NAALADL2: variants seen among roughly 807,000 people sequenced by gnomAD.
NAALADL2 encodes the protein N-acetylated alpha-linked acidic dipeptidase like 2, also known as inactive N-acetylated-alpha-linked acidic dipeptidase-like protein 2.
A neutral mutation model predicts 87.2 loss-of-function variants in NAALADL2; 76 were observed. The observed-to-expected ratio is 0.87, with a 90% confidence interval of 0.72 to 1.05. NAALADL2 has a LOEUF of 1.05. Among genes scored for constraint, NAALADL2 ranks in the 50% least tolerant of loss-of-function variants. NAALADL2 has a pLI of 0.00. For synonymous variants in NAALADL2, 354 were observed against 331.0 expected (o/e 1.07, Z -0.75); for missense variants, 1,089 against 945.8 (o/e 1.15, Z -1.99).
intron 9 of NAALADL2, among the ~76,000 whole-genome samples, chr3:175,539,217 T>G (rs1397439263): frequency 6.6e-6 from 1 of 152,168 alleles, no homozygotes; most frequent in South Asian, 2.1e-4. Context: ...CATTACCAAC[T>G]GGTAATTCCC....
intron 2 of NAALADL2, among the ~76,000 whole-genome samples, chr3:174,551,908 G>A (rs570865974): frequency 3.9e-5 from 6 of 152,108 alleles, no homozygotes; most frequent in Non-Finnish European, 8.8e-5. Context: ...TGGTATCCAC[G>A]GTCCTCGGGT....
chr3:175,269,848 G>A (rs1029594880), intron 4 of NAALADL2, among the ~76,000 whole-genome samples: 1 of 152,086 alleles, frequency 6.6e-6, no homozygotes, highest in Non-Finnish European at 1.5e-5. Context: ...GCACCATTGT[G>A]CCTTCAATCA....
At chr3:175,762,365 A>T (rs1161205150) in intron 13 of NAALADL2, among the ~76,000 whole-genome samples, 1 of 152,050 alleles carries the variant, frequency 6.6e-6, no homozygotes, top group African/African-American at 2.4e-5. Context: ...TAAGAATACC[A>T]AATAACAATG....
intron 2 of NAALADL2, among the ~76,000 whole-genome samples, chr3:174,562,591 G>A (rs1713759933): frequency 6.6e-6 from 1 of 152,060 alleles, no homozygotes; most frequent in Admixed American, 6.6e-5. Flanking sequence ...TCATATATTA[G>A]CATTCTTTTT....
chr3:174,505,914 C>G (rs983750345), intron 1 of NAALADL2, among the ~76,000 whole-genome samples: 2 of 151,876 alleles, frequency 1.3e-5, no homozygotes, highest in Non-Finnish European at 2.9e-5. Flanking sequence ...GAAAATGAAA[C>G]TTTTCCTAAT....
intron 1 of NAALADL2, chr3:174,441,108 G>C (rs1202285418): frequency 6.6e-6 from 1 of 152,230 alleles, no homozygotes; most frequent in Non-Finnish European, 1.5e-5. Flanking sequence ...CCTCGGCCGA[G>C]CGGTCCGTGT....
At chr3:174,775,787 G>T (rs1281763640) in intron 3 of NAALADL2, among the ~76,000 whole-genome samples, 1 of 152,060 alleles carries the variant, frequency 6.6e-6, no homozygotes, top group African/African-American at 2.4e-5. Flanking sequence ...TGATAATAAG[G>T]TGACCTCAGC....
At chr3:175,639,953 A>G (rs1012813890) in intron 11 of NAALADL2, among the ~76,000 whole-genome samples, 13 of 152,194 alleles carry the variant, frequency 8.5e-5, no homozygotes, top group Non-Finnish European at 1.2e-4. Flanking sequence ...GAATGGATAC[A>G]CTAAAAGACT....
chr3:174,832,175 T>C (rs144593692), intron 3 of NAALADL2, among the ~76,000 whole-genome samples: 2,150 of 152,266 alleles, frequency 0.014, 17 homozygotes, highest in Middle Eastern at 0.044. Flanking sequence ...TGCTCTTGCT[T>C]TTCTAGTTGT....
intron 10 of NAALADL2, among the ~76,000 whole-genome samples, chr3:175,606,279 T>G (rs1175929572): frequency 6.6e-6 from 1 of 152,080 alleles, no homozygotes; most frequent in Non-Finnish European, 1.5e-5. Context: ...GGATACTTGA[T>G]AGAAAAGCAA....
At chr3:174,880,066 C>T (rs1216766390) in intron 1 of NAALADL2, among the ~76,000 whole-genome samples, 1 of 151,916 alleles carries the variant, frequency 6.6e-6, no homozygotes, top group Non-Finnish European at 1.5e-5. Flanking sequence ...TTGGAGTGCC[C>T]CGGGGCTCAA....
intron 3 of NAALADL2, among the ~76,000 whole-genome samples, chr3:174,780,055 T>C (rs2687769): frequency 0.31 from 47,031 of 152,000 alleles, 7,268 homozygotes; most frequent in Middle Eastern, 0.37. Flanking sequence ...TATAAATTAC[T>C]TTGGGCAGTA....
chr3:174,820,471 G>A (rs1019818103), intron 3 of NAALADL2, among the ~76,000 whole-genome samples: 1 of 152,058 alleles, frequency 6.6e-6, no homozygotes, highest in Non-Finnish European at 1.5e-5. Flanking sequence ...ATATACAATT[G>A]TAGTGGTCCT....
At chr3:175,796,016 AGGCTAACTAACCCCTTAT>A (rs1425031219) in intron 13 of NAALADL2, among the ~76,000 whole-genome samples, 1 of 139,896 alleles carries the variant, frequency 7.1e-6, no homozygotes, top group East Asian at 2.2e-4. Flanking sequence ...CTCTTCCAGC[AGGCTAACTAACCCCTTAT>A]TGTTCTTATT....
chr3:175,724,506 A>G (rs957217366), intron 11 of NAALADL2, among the ~76,000 whole-genome samples: 5 of 152,142 alleles, frequency 3.3e-5, no homozygotes, highest in South Asian at 2.1e-4. Flanking sequence ...TATTTTTTCT[A>G]TTTTTAAAAT....
rs554485339 is a variant in NAALADL2 at position 175,283,457 on chromosome 3, G to A, written c.939+26927G>A. On this transcript the variant is annotated intron_variant, in intron 4 of 13. Coordinates refer to ENST00000454872, the MANE Select transcript of NAALADL2 (RefSeq NM_207015.3). ...GTTAGCCAGGTCTGACATGCATTTG[G>A]CACTCATTTTATGGCAGTTTTCTTC... is the stretch of plus-strand genomic sequence containing the variant. Among the ~76,000 whole-genome samples the A allele has an allele frequency of 2.0e-5, 3 of 152,120 alleles. No homozygotes were observed. In the South Asian group the frequency reaches 6.2e-4, roughly 32 times the overall value.
intron 1 of NAALADL2, among the ~76,000 whole-genome samples, chr3:175,013,718 G>T (rs1314414656): frequency 6.6e-6 from 1 of 151,956 alleles, no homozygotes; most frequent in East Asian, 1.9e-4. Context: ...AATGTTTTCT[G>T]ACTTTCTAGT....
intron 5 of NAALADL2, among the ~76,000 whole-genome samples, chr3:175,409,774 A>T (rs181575801): frequency 3.6e-4 from 55 of 152,166 alleles, no homozygotes; most frequent in African/African-American, 1.3e-3. Context: ...TGTTTTAGAC[A>T]TATTTAATGA....
At chr3:174,557,884 G>A (rs1219320080) in intron 2 of NAALADL2, among the ~76,000 whole-genome samples, 1 of 151,990 alleles carries the variant, frequency 6.6e-6, no homozygotes, top group Non-Finnish European at 1.5e-5. Context: ...GCCTTCTAGC[G>A]GAGTCAAACA....
Sources: allele counts gnomAD v4.1 joint callset (sites outside exome capture counted in the v4.1 genomes callset), GRCh38; gene constraint gnomAD v4.1.1; transcripts MANE v1.5; gene names NCBI Gene and HGNC (gene_info 2026-07-23, HGNC 2026-07-21).